AKAP13: variants seen among roughly 807,000 people sequenced by gnomAD.
AKAP13 encodes the protein A-kinase anchoring protein 13, also known as A-kinase anchor protein 13.
AKAP13 carries 80 observed loss-of-function variants against 264.5 expected under a neutral mutation model. The observed-to-expected ratio is 0.30, with a 90% CI of 0.25 to 0.36. The LOEUF (loss-of-function observed/expected upper bound fraction) is 0.36. Ranked by LOEUF, AKAP13 falls within the 10% of genes least tolerant of loss-of-function variation. The pLI is 1.00. For missense variants in AKAP13, 3,712 were observed against 3,435.2 expected (o/e 1.08, Z -2.01); for synonymous variants, 1,380 against 1,250.2 (o/e 1.10, Z -2.19).
At chr15:85,603,326 A>G (rs1291952231) in intron 8 of AKAP13, among the ~76,000 whole-genome samples, 2 of 152,172 alleles carry the variant, frequency 1.3e-5, no homozygotes, top group African/African-American at 2.4e-5. Flanking sequence ...GACTATAATG[A>G]CTCCTGATTC....
intron 8 of AKAP13, among the ~76,000 whole-genome samples, chr15:85,636,571 G>C (rs1435431107): frequency 6.6e-6 from 1 of 151,474 alleles, no homozygotes; most frequent in Non-Finnish European, 1.5e-5. Flanking sequence ...TCTGTTCCTA[G>C]TGTTCTGAGA....
At chr15:85,549,844 AC>A (rs990091935) in intron 5 of AKAP13, among the ~76,000 whole-genome samples, 69 of 152,306 alleles carry the variant, frequency 4.5e-4, no homozygotes, top group African/African-American at 1.6e-3. Flanking sequence ...CATTTATATT[AC>A]CCATTATATG....
In AKAP13 at chr15:85,579,555, A is replaced by G; in HGVS notation, c.1487A>G (p.Asn496Ser). 1.2e-6 allele frequency: 2 copies of G among 1,614,206 alleles called. No homozygotes were observed. Among genetic ancestry groups the G allele is most frequent in the Non-Finnish European group, 1.7e-6 (2 of 1,180,034 alleles). ...LMNPDATVWK[N>S]VLQGGESTKE... The stretch of plus-strand genomic sequence containing the variant: ...AACCCAGATGCCACTGTTTGGAAGA[A>G]TGTGCTTCAGGGAGGGGAAAGTACA... The change falls in exon 7 of 37, where the codon AAT (asparagine) becomes AGT (serine). Residue 496 changes from asparagine to serine, a missense_variant. By Grantham distance (46) the Asn-to-Ser change is conservative. This residue lies in a region of AKAP13 where 2,759 missense variants were observed against 2,411.7 expected (regional missense o/e 1.14). Transcript: ENST00000394518.
At chr15:85,419,976 C>T (rs1437088687) in intron 1 of AKAP13, among the ~76,000 whole-genome samples, 3 of 121,754 alleles carry the variant, frequency 2.5e-5, no homozygotes, top group Admixed American at 2.3e-4. Context: ...GAGTCTCGCT[C>T]TGTTGCCCAG....
chr15:85,609,012 C>T lies in AKAP13; in HGVS notation c.4161+23189C>T, dbSNP rs140417505. On this transcript the variant is annotated intron_variant, in intron 8 of 36. Coordinates refer to ENST00000394518, the MANE Select transcript of AKAP13 (RefSeq NM_007200.5). ...CATTTTTAATTGACACATAGTTGTA[C>T]GTATTTATGGAGTACAGTGTGATAT... Among the ~76,000 whole-genome samples, 61 of 152,144 alleles carry T rather than the reference C, an allele frequency of 4.0e-4. No individual in the cohort carries two copies. The East Asian group carries it at 0.011, about 28-fold the overall frequency.
chr15:85,684,946 C>G (rs980651425), intron 16 of AKAP13, 73 bp downstream of exon 16: 2 of 1,499,460 alleles, frequency 1.3e-6, no homozygotes, highest in South Asian at 1.4e-5. Context: ...CACACCAAAA[C>G]TGGTTAAATC....
chr15:85,531,020 GC>G (rs777408724), intron 3 of AKAP13, among the ~76,000 whole-genome samples: 1 of 152,066 alleles, frequency 6.6e-6, no homozygotes, highest in Non-Finnish European at 1.5e-5. Flanking sequence ...GACTACAGAT[GC>G]CCGGCTAATT....
At chr15:85,596,138 T>G (rs777460799) in intron 8 of AKAP13, among the ~76,000 whole-genome samples, 7 of 152,156 alleles carry the variant, frequency 4.6e-5, no homozygotes, top group Non-Finnish European at 8.8e-5. Flanking sequence ...GAAAATGCCT[T>G]TCATAAAGTT....
chr15:85,730,997 CTT>C (rs71468134), intron 30 of AKAP13, among the ~76,000 whole-genome samples: 2,488 of 57,288 alleles, frequency 0.043, 9 homozygotes, highest in Admixed American at 0.11. Flanking sequence ...GTCACTTATG[CTT>C]TTTTTTTTTT....
Position 85,741,143 on chromosome 15 carries a change from T to A in AKAP13, c.7706T>A (p.Ile2569Asn), listed in dbSNP as rs201288251. Residue 2569 changes from isoleucine to asparagine, a missense_variant, in exon 35 of 37, where the codon ATT becomes AAT. Transcript: ENST00000394518. ...TRSLSRPSSL[I>N]EQEKQRSLEK... ...AGCTTGTCCCGCCCGAGCTCCCTCATTGAGCAGGAGAAGCAGCGCAGCCTG... is the reference window on the plus strand; with the variant it reads ...AGCTTGTCCCGCCCGAGCTCCCTCAATGAGCAGGAGAAGCAGCGCAGCCTG... 6.2e-7 allele frequency: 1 copy of A among 1,613,590 alleles called. No homozygotes were observed. The highest frequency in any genetic ancestry group is 8.5e-7 in the Non-Finnish European group (1 of 1,179,810).
chr15:85,466,133 T>G (rs2074731576), intron 1 of AKAP13, among the ~76,000 whole-genome samples: 1 of 151,848 alleles, frequency 6.6e-6, no homozygotes, highest in Non-Finnish European at 1.5e-5. Flanking sequence ...ATGTGTTTTT[T>G]GGCTGCAAAA....
At chr15:85,700,936 C>T (rs1309795335) in intron 17 of AKAP13, among the ~76,000 whole-genome samples, 1 of 152,090 alleles carries the variant, frequency 6.6e-6, no homozygotes, top group Admixed American at 6.5e-5. Context: ...AAGTGAATTG[C>T]GAATGTCATG....
chr15:85,668,222 TA>T (rs2083713481), intron 13 of AKAP13, among the ~76,000 whole-genome samples: 1 of 152,362 alleles, frequency 6.6e-6, no homozygotes, highest in East Asian at 1.9e-4. Flanking sequence ...AAACAAGCTC[TA>T]AATAATCAGA....
At chr15:85,445,166 T>C (rs911059218) in intron 1 of AKAP13, among the ~76,000 whole-genome samples, 2 of 152,208 alleles carry the variant, frequency 1.3e-5, no homozygotes, top group African/African-American at 4.8e-5. Context: ...TGAATGTCCT[T>C]ATCTGTGTTT....
intron 1 of AKAP13, among the ~76,000 whole-genome samples, chr15:85,470,662 A>G (rs1035071268): frequency 2.6e-5 from 4 of 151,962 alleles, no homozygotes; most frequent in African/African-American, 9.7e-5. Flanking sequence ...CTTGCCTTTC[A>G]TTTTGTAACT....
chr15:85,608,748 C>A, intron 8 of AKAP13, among the ~76,000 whole-genome samples: 1 of 152,250 alleles, frequency 6.6e-6, no homozygotes, highest in South Asian at 2.1e-4. Flanking sequence ...GATTGTGGAA[C>A]CTTGATACAC....
intron 8 of AKAP13, among the ~76,000 whole-genome samples, chr15:85,627,282 ATCT>A (rs1479249845): frequency 2.0e-5 from 3 of 152,144 alleles, no homozygotes; most frequent in Non-Finnish European, 4.4e-5. Context: ...GGAGTACATC[ATCT>A]TCTTCCCTCT....
At chr15:85,639,248 TAA>T (rs2082198611) in intron 8 of AKAP13, 124 bp from the exon 9 acceptor site, 1 of 651,478 alleles carries the variant, frequency 1.5e-6, no homozygotes. Flanking sequence ...TCCCTTGACA[TAA>T]GTTTGCTCAC....
chr15:85,568,397 C>A (rs1426338671), intron 5 of AKAP13, among the ~76,000 whole-genome samples: 2 of 152,132 alleles, frequency 1.3e-5, no homozygotes, highest in African/African-American at 4.8e-5. Context: ...GATCAGTAAG[C>A]CAGACCGAAA....
Sources: allele counts gnomAD v4.1 joint callset (sites outside exome capture counted in the v4.1 genomes callset), GRCh38; gene constraint gnomAD v4.1.1; regional missense constraint gnomAD v4.1.1; transcripts MANE v1.5; gene names NCBI Gene and HGNC (gene_info 2026-07-23, HGNC 2026-07-21).